The following L3MBTL3 variants were observed in gnomAD, a reference collection of about 807,000 sequenced individuals.
L3MBTL3 encodes L3MBTL histone methyl-lysine binding protein 3.
Under a neutral mutation model 102.3 loss-of-function variants are expected in L3MBTL3, and 27 were observed. The observed-to-expected ratio is 0.26, with a 90% CI of 0.19 to 0.36. The LOEUF is 0.36. Ranked by LOEUF, L3MBTL3 falls within the 10% of genes least tolerant of loss-of-function variation. L3MBTL3 has a pLI of 1.00. For missense variants in L3MBTL3, 798 were observed against 955.3 expected (o/e 0.84, Z 2.17); for synonymous variants, 340 against 320.9 (o/e 1.06, Z -0.64).
At position 130,066,453 on chromosome 6, in the gene L3MBTL3, G is replaced by A. The variant is rs754145977; in HGVS notation, c.965G>A (p.Cys322Tyr). 3 of 1,611,088 alleles carry A rather than the reference G, an allele frequency of 1.9e-6. No individual in the cohort carries two copies. Among genetic ancestry groups the A allele is most frequent in the East Asian group, 2.2e-5 (1 of 44,582 alleles). Residue 322 changes from cysteine to tyrosine, a missense_variant, in exon 11 of 23, where the codon TGT becomes TAT. Cys to Tyr is a radical substitution (Grantham distance 194). Around this residue, in one of 4 missense-constraint regions of L3MBTL3, gnomAD observed 434 missense variants for 506.6 expected, o/e 0.86. Coordinates refer to ENST00000361794, the MANE Select transcript of L3MBTL3 (RefSeq NM_032438.4). ...DALDIHPVGW[C>Y]EKTGHKLHPP... ...CTGGATATCCACCCAGTTGGGTGGTGTGAGAAAACCGGCCACAAACTCCAT... is the reference window on the plus strand; with the variant it reads ...CTGGATATCCACCCAGTTGGGTGGTATGAGAAAACCGGCCACAAACTCCAT...
At chr6:130,055,067 T>A in intron 7 of L3MBTL3, 104 bp from the exon 8 acceptor site, 1 of 821,192 alleles carries the variant, frequency 1.2e-6, no homozygotes, top group Non-Finnish European at 2.1e-6. Flanking sequence ...AAAGTAAAAC[T>A]GAAGAAAAGA....
chr6:130,060,267 C>A, intron 10 of L3MBTL3, 127 bp downstream of exon 10: 1 of 587,088 alleles, frequency 1.7e-6, no homozygotes. Context: ...TGCATTATTT[C>A]ATTTAATCTT....
At chr6:130,130,756 A>T (rs915234952) in intron 20 of L3MBTL3, among the ~76,000 whole-genome samples, 4 of 152,194 alleles carry the variant, frequency 2.6e-5, no homozygotes, top group Non-Finnish European at 5.9e-5. Context: ...ATATTTGAAG[A>T]TTTGAAATGT....
chr6:130,045,680 T>C (rs935967697), intron 3 of L3MBTL3, among the ~76,000 whole-genome samples: 6 of 152,154 alleles, frequency 3.9e-5, no homozygotes, highest in Non-Finnish European at 7.4e-5. Context: ...AGGAAAATTT[T>C]ACAGGAATTT....
chr6:130,137,932 A>G (rs1787880460), intron 22 of L3MBTL3: 1 of 152,238 alleles, frequency 6.6e-6, no homozygotes, highest in Admixed American at 6.5e-5. Flanking sequence ...AAACAGGAGA[A>G]CATTTCTCAT....
At chr6:130,134,914 G>GATCT (rs1437683910) in intron 22 of L3MBTL3, among the ~76,000 whole-genome samples, 4 of 152,046 alleles carry the variant, frequency 2.6e-5, no homozygotes, top group African/African-American at 9.7e-5. Flanking sequence ...AATGCACAAG[G>GATCT]ATCTGATTTC....
chr6:130,128,814 G>T (rs1211784838), intron 20 of L3MBTL3, among the ~76,000 whole-genome samples: 1 of 152,154 alleles, frequency 6.6e-6, no homozygotes, highest in East Asian at 1.9e-4. Flanking sequence ...GGAGTGTTTT[G>T]TGGTTTCTTT....
At chr6:130,042,827 TATG>T (rs1327768341) in intron 3 of L3MBTL3, 26 bp downstream of exon 3, 3 of 1,386,616 alleles carry the variant, frequency 2.2e-6, no homozygotes, top group Admixed American at 3.4e-5. Context: ...TACATACAAT[TATG>T]TGTGTGTGCA....
At chr6:130,104,795 T>A (rs1393668949) in intron 19 of L3MBTL3, among the ~76,000 whole-genome samples, 1 of 151,872 alleles carries the variant, frequency 6.6e-6, no homozygotes, top group Non-Finnish European at 1.5e-5. Context: ...GATTTTTCTC[T>A]GACTCATTTT....
At chr6:130,019,586 CG>C (rs1778806024) in intron 1 of L3MBTL3, 1 of 150,350 alleles carries the variant, frequency 6.7e-6, no homozygotes, top group African/African-American at 2.4e-5. Flanking sequence ...GTGTGCGCGG[CG>C]GAAAGGCCTG....
intron 2 of L3MBTL3, among the ~76,000 whole-genome samples, chr6:130,034,725 T>G (rs933300751): frequency 6.6e-6 from 1 of 152,220 alleles, no homozygotes; most frequent in Non-Finnish European, 1.5e-5. Flanking sequence ...GCGCTATGAC[T>G]AAGAGCATGC....
At chr6:130,075,273 G>A (rs1782878495) in intron 13 of L3MBTL3, among the ~76,000 whole-genome samples, 1 of 152,082 alleles carries the variant, frequency 6.6e-6, no homozygotes, top group South Asian at 2.1e-4. Context: ...TGGAGGGAAG[G>A]ACTGACTCAA....
intron 3 of L3MBTL3, among the ~76,000 whole-genome samples, chr6:130,043,183 G>T (rs4897361): frequency 0.47 from 71,635 of 152,000 alleles, 19,539 homozygotes; most frequent in East Asian, 0.76. Context: ...TAAGTGAATA[G>T]CCACAATCTC....
chr6:130,052,893 A>G lies in L3MBTL3; in HGVS notation c.484A>G (p.Asn162Asp), dbSNP rs1463782746. Residue 162 changes from asparagine (N) to aspartate (D), a missense_variant, in exon 7 of 23, where the codon AAT (asparagine) becomes GAT (aspartate). Asn to Asp is a conservative substitution (Grantham distance 23, BLOSUM62 1). Transcript: ENST00000361794. Reference protein sequence around the residue: ...QKEERDVEEDNEEEDPKCSRK... With the variant: ...QKEERDVEEDDEEEDPKCSRK... ...GGAAGAAAGGGACGTAGAAGAAGAC[A>G]ATGAGGAAGAAGATCCTAAGTGTAG... The G allele has an allele frequency of 6.2e-7, 1 of 1,614,022 alleles. No individual in the cohort carries two copies.
rs1050088038 is a variant in L3MBTL3 at position 130,078,413 on chromosome 6, G to A, written c.1245-145G>A. 4 of 538,224 alleles carry A rather than the reference G, an allele frequency of 7.4e-6. No homozygotes were observed. The African/African-American group carries it at 7.8e-5, about 10-fold the overall frequency. 33.3% of individuals were successfully genotyped at this position (538,224 alleles called of 1,614,324 possible). On this transcript the variant is annotated intron_variant, in intron 13 of 22. Transcript: ENST00000361794. ...TATTAATATATTAAAAAGTTCTTTGGTTTAGCATTTTTTTCCAAATTAGAT... is the reference window on the plus strand; with the variant it reads ...TATTAATATATTAAAAAGTTCTTTGATTTAGCATTTTTTTCCAAATTAGAT...
chr6:130,133,881 A>G lies in L3MBTL3; in HGVS notation c.2175A>G (p.Glu725=). 6.2e-7 allele frequency: 1 copy of G among 1,613,204 alleles called. No homozygotes were observed. The highest frequency in any genetic ancestry group is 8.5e-7 in the Non-Finnish European group (1 of 1,179,188). Residue 725 remains glutamate (E), a synonymous_variant, in exon 22 of 23, where the codon GAA becomes GAG. Coordinates refer to ENST00000361794, the MANE Select transcript of L3MBTL3 (RefSeq NM_032438.4). The surrounding 1 kb of genome is among the most constrained non-coding windows in gnomAD (Gnocchi z 4.9). ...EFIQSLPGCE[E]HGKVFKDEQI... is the part of the protein sequence containing the mutation. ...TACAGAGCTTACCTGGGTGTGAAGA[A>G]CATGGAAAGGTATTTAAAGATGAAG... is the stretch of plus-strand genomic sequence containing the variant.
chr6:130,110,554 G>T (rs1785286817), intron 19 of L3MBTL3, among the ~76,000 whole-genome samples: 1 of 152,192 alleles, frequency 6.6e-6, no homozygotes, highest in Non-Finnish European at 1.5e-5. Context: ...TGTATCCTGA[G>T]ACTTTGCTGA....
intron 20 of L3MBTL3, among the ~76,000 whole-genome samples, chr6:130,128,759 T>C (rs1786797225): frequency 6.6e-6 from 1 of 152,204 alleles, no homozygotes; most frequent in Non-Finnish European, 1.5e-5. Flanking sequence ...TCAGAAGGAA[T>C]CTTTTCCAGG....
At chr6:130,084,518 G>A (rs566932913) in intron 15 of L3MBTL3, among the ~76,000 whole-genome samples, 2 of 151,970 alleles carry the variant, frequency 1.3e-5, no homozygotes, top group Non-Finnish European at 2.9e-5. Flanking sequence ...AAACCATAAG[G>A]CACGAAGAGA....
Sources: gnomAD v4.1 joint callset for allele counts (sites outside exome capture counted in the v4.1 genomes callset) on GRCh38, gnomAD v4.1.1 for gene constraint, gnomAD v4.1.1 regional missense constraint, Gnocchi (gnomAD v3.1) non-coding constraint, MANE v1.5 for transcripts, NCBI Gene and HGNC (gene_info 2026-07-23, HGNC 2026-07-21) for gene names.